Variants in ROBO1 observed in about 807,000 individuals in gnomAD.
ROBO1 encodes the protein roundabout guidance receptor 1.
A neutral mutation model predicts 195.9 loss-of-function variants in ROBO1; 149 were observed. The observed-to-expected ratio is 0.76, with a 90% CI of 0.67 to 0.87. The LOEUF is 0.87. ROBO1 is among the 40% of genes least tolerant of loss of function. The pLI, the probability that ROBO1 is intolerant of heterozygous loss-of-function variation, is 0.00. For synonymous variants in ROBO1, 816 were observed against 733.2 expected, an observed-to-expected ratio of 1.11 and a Z score of -1.82; for missense variants, 1,933 against 2,068.3, an observed-to-expected ratio of 0.93 and a Z score of 1.27.
intron 1 of ROBO1, among the ~76,000 whole-genome samples, chr3:79,743,933 C>T (rs1483927929): frequency 1.3e-5 from 2 of 152,174 alleles, no homozygotes; most frequent in Non-Finnish European, 2.9e-5. Context: ...TCCTGAAGGG[C>T]CTGCCTCAGG....
intron 2 of ROBO1, among the ~76,000 whole-genome samples, chr3:79,312,957 G>A (rs1361702072): frequency 6.6e-6 from 1 of 151,968 alleles, no homozygotes; most frequent in Admixed American, 6.6e-5. Context: ...GCTCAACGTT[G>A]CCATTTACAT....
chr3:79,035,321 C>T (rs2078363757), intron 3 of ROBO1, among the ~76,000 whole-genome samples: 1 of 152,246 alleles, frequency 6.6e-6, no homozygotes, highest in African/African-American at 2.4e-5. Flanking sequence ...AAGTAACTCC[C>T]TCAGGTAGGT....
intron 3 of ROBO1, among the ~76,000 whole-genome samples, chr3:79,061,424 T>G (rs1249378957): frequency 1.3e-5 from 2 of 151,954 alleles, no homozygotes; most frequent in Non-Finnish European, 2.9e-5. Flanking sequence ...TGGCCATACT[T>G]CCCAAGGTAA....
chr3:79,714,731 C>T (rs1702411535), intron 1 of ROBO1, among the ~76,000 whole-genome samples: 1 of 151,530 alleles, frequency 6.6e-6, no homozygotes, highest in African/African-American at 2.4e-5. Context: ...CCATCATTCT[C>T]AGCAAACTAT....
At chr3:78,967,060 G>A (rs1468748841) in intron 3 of ROBO1, among the ~76,000 whole-genome samples, 1 of 152,136 alleles carries the variant, frequency 6.6e-6, no homozygotes, top group African/African-American at 2.4e-5. Flanking sequence ...TGGCACATAT[G>A]TAATAAATGC....
chr3:79,751,571 T>A (rs558456281), intron 1 of ROBO1, among the ~76,000 whole-genome samples: 3 of 152,276 alleles, frequency 2.0e-5, no homozygotes, highest in African/African-American at 7.2e-5. Flanking sequence ...AGTATCCTGA[T>A]GTTTGTATAT....
intron 1 of ROBO1, among the ~76,000 whole-genome samples, chr3:79,690,264 T>C (rs779350547): frequency 1.3e-5 from 2 of 151,970 alleles, no homozygotes; most frequent in Non-Finnish European, 2.9e-5. Flanking sequence ...TTTTCCTGGA[T>C]TGTCCAGATG....
intron 3 of ROBO1, among the ~76,000 whole-genome samples, chr3:79,077,631 A>G (rs1292827048): frequency 6.6e-6 from 1 of 151,924 alleles, no homozygotes; most frequent in African/African-American, 2.4e-5. Context: ...TAATTCAGCT[A>G]TGTTAACTGA....
At chr3:79,684,753 G>A (rs895572090) in intron 1 of ROBO1, among the ~76,000 whole-genome samples, 1 of 152,056 alleles carries the variant, frequency 6.6e-6, no homozygotes, top group Non-Finnish European at 1.5e-5. Context: ...TCGGCTCCCT[G>A]CAACCTCTGC....
intron 1 of ROBO1, among the ~76,000 whole-genome samples, chr3:79,643,689 G>A (rs1429587160): frequency 1.3e-5 from 2 of 151,578 alleles, no homozygotes; most frequent in Non-Finnish European, 2.9e-5. Context: ...GGTGTTCTTT[G>A]TAAGTCTCAT....
chr3:79,484,755 C>CTTTTTTATTTTTTTT (rs1939062753), intron 2 of ROBO1, among the ~76,000 whole-genome samples: 1 of 66,884 alleles, frequency 1.5e-5, no homozygotes, highest in Admixed American at 2.7e-4. Flanking sequence ...ATTGCACTAT[C>CTTTTTTATTTTTTTT]TTTTTTTTTT....
intron 1 of ROBO1, among the ~76,000 whole-genome samples, chr3:79,762,178 G>T (rs372944392): frequency 6.6e-6 from 1 of 152,048 alleles, no homozygotes; most frequent in Admixed American, 6.6e-5. Flanking sequence ...ATATCAAGGC[G>T]CTGGAAGATT....
At chr3:78,863,077 A>G (rs1396008514) in intron 4 of ROBO1, among the ~76,000 whole-genome samples, 1 of 152,190 alleles carries the variant, frequency 6.6e-6, no homozygotes, top group Non-Finnish European at 1.5e-5. Flanking sequence ...GTGATTACGG[A>G]AAGTCATTAT....
chr3:78,826,286 C>T (rs1283148815), intron 4 of ROBO1, among the ~76,000 whole-genome samples: 1 of 152,144 alleles, frequency 6.6e-6, no homozygotes, highest in Non-Finnish European at 1.5e-5. Context: ...TTAGTGTGTA[C>T]TGGCACATTA....
intron 3 of ROBO1, among the ~76,000 whole-genome samples, chr3:79,056,666 T>A (rs999254804): frequency 2.6e-5 from 4 of 152,062 alleles, no homozygotes; most frequent in Admixed American, 2.6e-4. Context: ...ATCTCTGCAG[T>A]CCCAGAGCTT....
In ROBO1 at chr3:79,347,149, G is replaced by A. The variant is rs1279858780; in HGVS notation, c.89-221610C>T. On this transcript the variant is annotated intron_variant, in intron 2 of 30. Coordinates refer to ENST00000464233, the MANE Select transcript of ROBO1 (RefSeq NM_002941.4). Reference sequence around the variant, plus strand: ...ATTTCGACAGTATTTATACCTAGGGGTTGATAATACAAAGCAAATGGAGGG... The same window carrying A: ...ATTTCGACAGTATTTATACCTAGGGATTGATAATACAAAGCAAATGGAGGG... Among the ~76,000 whole-genome samples, 2 of 152,076 alleles carry A rather than the reference G, an allele frequency of 1.3e-5. 1 individual carries two copies. The highest frequency in any genetic ancestry group is 2.9e-5 in the Non-Finnish European group (2 of 67,990).
chr3:78,749,338 A>G (rs2082732854), intron 4 of ROBO1, among the ~76,000 whole-genome samples: 1 of 152,188 alleles, frequency 6.6e-6, no homozygotes, highest in African/African-American at 2.4e-5. Flanking sequence ...TTGCAGAAAT[A>G]TCAAAGGTCT....
intron 3 of ROBO1, among the ~76,000 whole-genome samples, chr3:79,016,865 G>A (rs1017434623): frequency 6.6e-6 from 1 of 152,166 alleles, no homozygotes; most frequent in Non-Finnish European, 1.5e-5. Context: ...ACTAGGCAGA[G>A]ACACAGCCAA....
intron 1 of ROBO1, among the ~76,000 whole-genome samples, chr3:79,654,370 A>C (rs1217646257): frequency 6.6e-6 from 1 of 151,988 alleles, no homozygotes; most frequent in Non-Finnish European, 1.5e-5. Context: ...GCATCATGAA[A>C]ATTTAAAACC....
Sources: allele counts gnomAD v4.1 joint callset (sites outside exome capture counted in the v4.1 genomes callset), GRCh38; gene constraint gnomAD v4.1.1; transcripts MANE v1.5; gene names NCBI Gene and HGNC (gene_info 2026-07-23, HGNC 2026-07-21).